Variants in FREM2 observed in about 807,000 individuals in gnomAD.
The protein encoded by FREM2 is FRAS1 related extracellular matrix 2, also known as FRAS1-related extracellular matrix protein 2.
Under a neutral mutation model 219.9 loss-of-function variants are expected in FREM2, and 119 were observed. The observed-to-expected ratio is 0.54, with a 90% confidence interval of 0.47 to 0.63. The LOEUF is 0.63. Among genes scored for constraint, FREM2 ranks in the 30% least tolerant of loss-of-function variants. The probability of loss-of-function intolerance (pLI) is 0.00; values close to 1 mark genes in which losing one functional copy is unlikely to be tolerated. For synonymous variants in FREM2, 1,562 were observed against 1,522.8 expected (o/e 1.03, Z -0.60); for missense variants, 4,030 against 3,993.6 (o/e 1.01, Z -0.25).
At chr13:38,770,300 C>T (rs914279699) in intron 4 of FREM2, among the ~76,000 whole-genome samples, 9 of 151,410 alleles carry the variant, frequency 5.9e-5, no homozygotes. Context: ...TCGAGCTATC[C>T]TCCCAACTCA....
intron 6 of FREM2, among the ~76,000 whole-genome samples, chr13:38,805,743 TG>T (rs1875200274): frequency 6.6e-6 from 1 of 151,980 alleles, no homozygotes; most frequent in Non-Finnish European, 1.5e-5. Flanking sequence ...TAAATATTAA[TG>T]TATAGATTTT....
chr13:38,848,625 G>A lies in FREM2; in HGVS notation c.6334G>A (p.Glu2112Lys), dbSNP rs746057172. The change falls in exon 8 of 24, where the codon GAG becomes AAG. Residue 2112 changes from glutamate to lysine, a missense_variant. Glu to Lys is a moderately conservative substitution (Grantham distance 56). Transcript: ENST00000280481. ...CATGCCTATGAACGCAGCCCTTGGC[G>A]AGCCCAGCAAAGCCACAGTGTCCAT... ...LRMPMNAALG[E>K]PSKATVSIND... 2.2e-5 allele frequency: 35 copies of A among 1,613,858 alleles called. No individual in the cohort carries two copies. In the East Asian group the frequency reaches 3.1e-4, roughly 14 times the overall value.
At chr13:38,738,319 A>G (rs2137776371) in intron 2 of FREM2, among the ~76,000 whole-genome samples, 1 of 152,252 alleles carries the variant, frequency 6.6e-6, no homozygotes, top group South Asian at 2.1e-4. Flanking sequence ...TAATCTCAGT[A>G]CTTTGGGAGG....
intron 5 of FREM2, 83 bp from the exon 6 acceptor site, chr13:38,784,474 G>T: frequency 2.0e-6 from 3 of 1,477,968 alleles, no homozygotes; most frequent in South Asian, 1.1e-5. Flanking sequence ...CCATTAAAAT[G>T]CTGTGTATGA....
chr13:38,807,656 G>A (rs932985708), intron 6 of FREM2, among the ~76,000 whole-genome samples: 3 of 151,804 alleles, frequency 2.0e-5, no homozygotes, highest in Non-Finnish European at 2.9e-5. Context: ...TTGTAAATGG[G>A]AAGTAATATT....
intron 6 of FREM2, among the ~76,000 whole-genome samples, chr13:38,816,636 A>T (rs554548230): frequency 6.6e-6 from 1 of 151,472 alleles, no homozygotes; most frequent in Admixed American, 6.5e-5. Context: ...GTGAGGAAAA[A>T]TTGTAAGCTT....
chr13:38,859,321 C>T lies in FREM2; in HGVS notation c.7250C>T (p.Thr2417Ile), dbSNP rs1023010908. The change falls in exon 14 of 24, where the codon ACA becomes ATA. Residue 2417 changes from threonine (T) to isoleucine (I), a missense_variant. By Grantham distance (89) the Thr-to-Ile change is moderately conservative (BLOSUM62 -1). Coordinates refer to ENST00000280481, the MANE Select transcript of FREM2 (RefSeq NM_207361.6). ...CNPKYSDYDKTGSICASENIN... is the reference protein window; with the variant it reads ...CNPKYSDYDKIGSICASENIN... ...CCCAAATATTCAGACTACGATAAAA[C>T]AGGCTCTATCTGTGCAAGTGAGAAC... 4 of 1,614,066 alleles carry T rather than the reference C, an allele frequency of 2.5e-6. No homozygotes were observed. The highest frequency in any genetic ancestry group is 1.3e-5 in the African/African-American group (1 of 74,940).
chr13:38,851,647 A>G (rs1339885077), intron 10 of FREM2, 39 bp from the exon 11 acceptor site: 2 of 1,412,988 alleles, frequency 1.4e-6, no homozygotes, highest in Admixed American at 3.3e-5. Context: ...CATTCCCCTT[A>G]CTAACAATTT....
At chr13:38,789,549 C>G (rs1874474277) in intron 6 of FREM2, among the ~76,000 whole-genome samples, 1 of 148,008 alleles carries the variant, frequency 6.8e-6, no homozygotes, top group Non-Finnish European at 1.5e-5. Flanking sequence ...ATGTTTGGTT[C>G]TGACTTTTCA....
At chr13:38,732,567 G>A (rs962560715) in intron 2 of FREM2, among the ~76,000 whole-genome samples, 1 of 152,190 alleles carries the variant, frequency 6.6e-6, no homozygotes, top group Non-Finnish European at 1.5e-5. Flanking sequence ...CTATGAAAAA[G>A]TGGTGTGGAA....
intron 6 of FREM2, among the ~76,000 whole-genome samples, chr13:38,833,159 A>G (rs1301479557): frequency 6.6e-6 from 1 of 151,956 alleles, no homozygotes; most frequent in Non-Finnish European, 1.5e-5. Context: ...TCTTTTTCCC[A>G]TTTTTCTGCA....
At chr13:38,842,330 G>C (rs1015847269) in intron 6 of FREM2, among the ~76,000 whole-genome samples, 1 of 152,112 alleles carries the variant, frequency 6.6e-6, no homozygotes, top group East Asian at 1.9e-4. Flanking sequence ...TTAAGAGCCT[G>C]GTTAAGTGGT....
At chr13:38,756,707 T>C (rs1873017823) in intron 2 of FREM2, among the ~76,000 whole-genome samples, 1 of 151,812 alleles carries the variant, frequency 6.6e-6, no homozygotes, top group South Asian at 2.1e-4. Context: ...TGTGTGTGTG[T>C]GTGTATATTT....
At chr13:38,699,021 A>G (rs1443623841) in intron 2 of FREM2, among the ~76,000 whole-genome samples, 2 of 152,176 alleles carry the variant, frequency 1.3e-5, no homozygotes, top group Non-Finnish European at 2.9e-5. Context: ...TAAAAAGGAA[A>G]TCAACTCATA....
chr13:38,809,174 A>G (rs1451408423), intron 6 of FREM2, among the ~76,000 whole-genome samples: 1 of 151,052 alleles, frequency 6.6e-6, no homozygotes, highest in Non-Finnish European at 1.5e-5. Flanking sequence ...TTTATTTTTT[A>G]TACTCTCAGT....
chr13:38,765,713 C>CT (rs540662629), intron 3 of FREM2, among the ~76,000 whole-genome samples: 12 of 151,092 alleles, frequency 7.9e-5, no homozygotes, highest in Non-Finnish European at 1.3e-4. Context: ...TTTTAAAATT[C>CT]TTTTTTTTTC....
chr13:38,848,427 TC>T (rs1402943401), intron 7 of FREM2, 33 bp from the exon 8 acceptor site: 1 of 1,433,478 alleles, frequency 7.0e-7, no homozygotes, highest in Non-Finnish European at 9.9e-7. Context: ...ATTTAATTAG[TC>T]CCCAACTGAA....
Position 38,692,019 on chromosome 13 carries a change from G to A in FREM2, c.4675G>A (p.Glu1559Lys), listed in dbSNP as rs267603820. Residue 1559 changes from glutamate (E) to lysine (K), a missense_variant, in exon 1 of 24, where the codon GAA (glutamate) becomes AAA (lysine). By Grantham distance (56) the Glu-to-Lys change is moderately conservative. Transcript: ENST00000280481. Reference sequence around the variant, plus strand: ...GATTACTCCTTTTGAGCTCACTGTCGAAGACAGAGATACTCCTGACAAGCT... The same window carrying A: ...GATTACTCCTTTTGAGCTCACTGTCAAAGACAGAGATACTCCTGACAAGCT... ...KLITPFELTV[E>K]DRDTPDKLLK... 10 of 1,614,102 alleles carry A rather than the reference G, an allele frequency of 6.2e-6. No homozygotes were observed. The Admixed American group carries it at 6.7e-5, about 11-fold the overall frequency.
intron 7 of FREM2, among the ~76,000 whole-genome samples, chr13:38,846,981 A>G (rs1593442705): frequency 6.6e-6 from 1 of 152,144 alleles, no homozygotes; most frequent in African/African-American, 2.4e-5. Flanking sequence ...CTATATTTCC[A>G]TGAAGTGGTT....
Sources: gnomAD v4.1 joint callset for allele counts (sites outside exome capture counted in the v4.1 genomes callset) on GRCh38, gnomAD v4.1.1 for gene constraint, MANE v1.5 for transcripts, NCBI Gene and HGNC (gene_info 2026-07-23, HGNC 2026-07-21) for gene names.